Variants in FLT1 observed in about 807,000 individuals in gnomAD.
FLT1 encodes vascular endothelial growth factor receptor 1.
FLT1 carries 49 observed loss-of-function variants against 156.3 expected under a neutral mutation model. The ratio of observed to expected loss-of-function variants is 0.31; its 90% confidence interval spans 0.25 to 0.40. The LOEUF (loss-of-function observed/expected upper bound fraction) is 0.40, where lower values mean the gene tolerates loss of function less well. Ranked by LOEUF, FLT1 falls within the 10% of genes least tolerant of loss-of-function variation. The probability of loss-of-function intolerance (pLI) is 1.00; values close to 1 mark genes in which losing one functional copy is unlikely to be tolerated. For synonymous variants in FLT1, 594 were observed against 583.8 expected, an observed-to-expected ratio of 1.02 and a Z score of -0.25; for missense variants, 1,322 against 1,637.2, an observed-to-expected ratio of 0.81 and a Z score of 3.32.
At chr13:28,430,461 A>T (rs972493543) in intron 7 of FLT1, among the ~76,000 whole-genome samples, 4 of 152,214 alleles carry the variant, frequency 2.6e-5, no homozygotes, top group Non-Finnish European at 5.9e-5. Flanking sequence ...AAGTGGGAAG[A>T]TATTTCTAAA....
At chr13:28,360,446 T>C (rs1426113677) in intron 14 of FLT1, among the ~76,000 whole-genome samples, 1 of 152,212 alleles carries the variant, frequency 6.6e-6, no homozygotes, top group Non-Finnish European at 1.5e-5. Flanking sequence ...TATGTGTCCA[T>C]CAATGGATGA....
intron 14 of FLT1, 78 bp downstream of exon 14, chr13:28,384,807 A>G: frequency 7.4e-7 from 1 of 1,346,536 alleles, no homozygotes; most frequent in East Asian, 2.3e-5. Flanking sequence ...TACTGGAAGC[A>G]GGTGACGGGA....
chr13:28,469,857 G>A (rs1311246388), intron 1 of FLT1, among the ~76,000 whole-genome samples: 2 of 152,164 alleles, frequency 1.3e-5, no homozygotes, highest in South Asian at 4.2e-4. Context: ...AGGTTCAAGC[G>A]ATTCTCGTGC....
intron 3 of FLT1, among the ~76,000 whole-genome samples, chr13:28,457,118 T>C (rs1430439915): frequency 6.6e-6 from 1 of 152,036 alleles, no homozygotes; most frequent in East Asian, 1.9e-4. Context: ...AGGAAATCTC[T>C]GTACCTTCCT....
Position 28,467,587 on chromosome 13 carries a change from G to A in FLT1, c.95C>T (p.Pro32Leu). The part of the protein sequence containing the change: ...GSSSGSKLKD[P>L]ELSLKGTQHI... ...CTGGGTGCCTTTTAAACTCAGTTCA[G>A]GATCTTTTAATTTTGAACCTGAACT... The change falls in exon 2 of 30, where the codon CCT (proline) becomes CTT (leucine). Residue 32 changes from proline (P) to leucine (L), a missense_variant. Coordinates refer to ENST00000282397, the MANE Select transcript of FLT1 (RefSeq NM_002019.4). 1.2e-6 allele frequency: 2 copies of A among 1,608,254 alleles called. No homozygotes were observed.
rs914498175 is a variant in FLT1 at position 28,304,156 on chromosome 13, A to G, written c.3816-788T>C. Among the ~76,000 whole-genome samples the G allele has an allele frequency of 2.0e-5, 3 of 152,350 alleles. No homozygotes were observed. The South Asian group carries it at 6.2e-4, about 32-fold the overall frequency. ...CCATGTTCTATATTTTCAGTCTCAG[A>G]GTAGAGGATACAATTTATGGTCTTC... On this transcript the variant is annotated intron_variant, in intron 29 of 29. Coordinates refer to ENST00000282397, the MANE Select transcript of FLT1 (RefSeq NM_002019.4).
chr13:28,438,199 G>A (rs776084333), intron 4 of FLT1, 22 bp downstream of exon 4: 7 of 1,610,364 alleles, frequency 4.3e-6, no homozygotes, highest in East Asian at 4.5e-5. Context: ...AGTATGCTGA[G>A]AATAGCGGTG....
chr13:28,433,765 T>A, intron 6 of FLT1, 54 bp downstream of exon 6: 1 of 1,563,822 alleles, frequency 6.4e-7, no homozygotes, highest in Non-Finnish European at 8.8e-7. Flanking sequence ...CCTGCGGGAT[T>A]TCACTTGCTT....
chr13:28,316,512 GA>G (rs1198031837), intron 25 of FLT1, among the ~76,000 whole-genome samples: 1 of 152,006 alleles, frequency 6.6e-6, no homozygotes, highest in African/African-American at 2.4e-5. Context: ...AAAGCCCCAG[GA>G]AAAAAAGTGT....
intron 25 of FLT1, among the ~76,000 whole-genome samples, chr13:28,313,561 C>A (rs1815885521): frequency 6.6e-6 from 1 of 152,142 alleles, no homozygotes; most frequent in African/African-American, 2.4e-5. Flanking sequence ...GGGCTGTAAG[C>A]ACTATGTGGG....
intron 3 of FLT1, among the ~76,000 whole-genome samples, chr13:28,441,250 G>A (rs1196689346): frequency 6.6e-6 from 1 of 152,158 alleles, no homozygotes; most frequent in African/African-American, 2.4e-5. Flanking sequence ...CTCCTCCCAG[G>A]TGCTGGCAGG....
chr13:28,368,089 C>T, intron 14 of FLT1: 2 of 710,988 alleles, frequency 2.8e-6, no homozygotes, highest in South Asian at 6.2e-5. Context: ...TCAGAGTAGG[C>T]AATTAATGCA....
At chr13:28,372,578 ATATATATATAT>A (rs1873662511) in intron 14 of FLT1, among the ~76,000 whole-genome samples, 1 of 120,544 alleles carries the variant, frequency 8.3e-6, no homozygotes, top group Non-Finnish European at 1.7e-5. Flanking sequence ...ATATATATAT[ATATATATATAT>A]ATATATATAT....
At chr13:28,400,074 C>T (rs2387633) in intron 11 of FLT1, among the ~76,000 whole-genome samples, 150,352 of 152,314 alleles carry the variant, frequency 0.99, 74,250 homozygotes, top group East Asian at 1. Context: ...TCTGCCTCCG[C>T]GCCTATGCTC....
intron 15 of FLT1, among the ~76,000 whole-genome samples, chr13:28,351,154 A>G (rs1271251097): frequency 1.3e-5 from 2 of 152,070 alleles, no homozygotes; most frequent in African/African-American, 2.4e-5. Context: ...GTACTCATCA[A>G]TTTCTGCAAA....
At position 28,329,713 on chromosome 13, in the gene FLT1, C is replaced by A; in HGVS notation, c.2609G>T (p.Ser870Ile). Residue 870 changes from serine to isoleucine, a missense_variant, in exon 19 of 30, where the codon AGC becomes ATC. Ser to Ile is a moderately radical substitution (Grantham distance 142, BLOSUM62 -2). Coordinates refer to ENST00000282397, the MANE Select transcript of FLT1 (RefSeq NM_002019.4). ...CTCAGTCATCAGAGCTTTGTACTCGCTGGCCGTGGCCCCCTCTGTGTGAGA... is the reference window on the plus strand; with the variant it reads ...CTCAGTCATCAGAGCTTTGTACTCGATGGCCGTGGCCCCCTCTGTGTGAGA... ...VKMLKEGATA[S>I]EYKALMTELK... The A allele has an allele frequency of 6.2e-7, 1 of 1,614,014 alleles. No homozygotes were observed. Among genetic ancestry groups the A allele is most frequent in the African/African-American group, 1.3e-5 (1 of 75,072 alleles).
At chr13:28,355,372 G>A (rs762710123) in intron 15 of FLT1, among the ~76,000 whole-genome samples, 7 of 152,152 alleles carry the variant, frequency 4.6e-5, no homozygotes, top group African/African-American at 9.7e-5. Context: ...TAAATATTTC[G>A]TGCTAAGTGC....
At chr13:28,430,019 T>TA (rs1877581009) in intron 8 of FLT1, 31 bp downstream of exon 8, 1 of 1,396,610 alleles carries the variant, frequency 7.2e-7, no homozygotes, top group African/African-American at 1.4e-5. Context: ...AAGTATGTCT[T>TA]AAACTGTTAT....
At position 28,467,559 on chromosome 13, in the gene FLT1, G is replaced by A. The variant is rs755173873; in HGVS notation, c.123C>T (p.His41=). The A allele has an allele frequency of 6.2e-7, 1 of 1,611,224 alleles. No homozygotes were observed. Among genetic ancestry groups the A allele is most frequent in the Non-Finnish European group, 8.5e-7 (1 of 1,178,578 alleles). Residue 41 remains histidine (H), a synonymous_variant, in exon 2 of 30, where the codon CAC becomes CAT. Coordinates refer to ENST00000282397, the MANE Select transcript of FLT1 (RefSeq NM_002019.4). Reference sequence around the variant, plus strand: ...GCAGTGTCTGGCCTGCTTGCATGATGTGCTGGGTGCCTTTTAAACTCAGTT... The same window carrying A: ...GCAGTGTCTGGCCTGCTTGCATGATATGCTGGGTGCCTTTTAAACTCAGTT... ...DPELSLKGTQ[H]IMQAGQTLHL...
Sources: gnomAD v4.1 joint callset for allele counts (sites outside exome capture counted in the v4.1 genomes callset) on GRCh38, gnomAD v4.1.1 for gene constraint, MANE v1.5 for transcripts, NCBI Gene and HGNC (gene_info 2026-07-23, HGNC 2026-07-21) for gene names.